CTNND2: variants seen among roughly 807,000 people sequenced by gnomAD.
CTNND2 encodes catenin delta 2, also known as catenin delta-2.
A neutral mutation model predicts 144.4 loss-of-function variants in CTNND2; 22 were observed. The ratio of observed to expected loss-of-function variants is 0.15; its 90% CI spans 0.11 to 0.22. The LOEUF is 0.22. CTNND2 is among the 10% of genes least tolerant of loss of function. The pLI is 1.00. For synonymous variants in CTNND2, 751 were observed against 695.6 expected (o/e 1.08, Z -1.25); for missense variants, 1,353 against 1,618.8 (o/e 0.84, Z 2.82).
At chr5:11,303,326 A>G (rs1749807919) in intron 9 of CTNND2, among the ~76,000 whole-genome samples, 1 of 152,212 alleles carries the variant, frequency 6.6e-6, no homozygotes, top group African/African-American at 2.4e-5. Flanking sequence ...GGAACTCACA[A>G]GGGGCAGCCT....
chr5:11,079,919 A>C (rs531066159), intron 16 of CTNND2, among the ~76,000 whole-genome samples: 2 of 152,354 alleles, frequency 1.3e-5, no homozygotes, highest in African/African-American at 4.8e-5. Context: ...TCTGGGCAAT[A>C]ATGTTTTTGG....
intron 1 of CTNND2, among the ~76,000 whole-genome samples, chr5:11,786,259 A>G (rs1410244046): frequency 1.3e-5 from 2 of 152,214 alleles, no homozygotes; most frequent in African/African-American, 4.8e-5. Flanking sequence ...TCCATTTTAG[A>G]AAAGTAAAGT....
intron 1 of CTNND2, among the ~76,000 whole-genome samples, chr5:11,773,692 C>G (rs1045331586): frequency 6.6e-6 from 1 of 151,832 alleles, no homozygotes; most frequent in Non-Finnish European, 1.5e-5. Context: ...TGCCTGTAAT[C>G]CCAGCTACTT....
intron 10 of CTNND2, among the ~76,000 whole-genome samples, chr5:11,201,327 G>C: frequency 6.6e-6 from 1 of 152,164 alleles, no homozygotes; most frequent in East Asian, 1.9e-4. Context: ...CGTTGGTGTT[G>C]CTCAGCTTTG....
At chr5:11,579,405 T>C (rs576729645) in intron 2 of CTNND2, among the ~76,000 whole-genome samples, 4 of 152,188 alleles carry the variant, frequency 2.6e-5, no homozygotes, top group Admixed American at 2.6e-4. Context: ...ATGTACATTA[T>C]CAAGTTTGCA....
At chr5:11,642,290 C>A (rs1782106935) in intron 2 of CTNND2, among the ~76,000 whole-genome samples, 1 of 152,018 alleles carries the variant, frequency 6.6e-6, no homozygotes, top group Non-Finnish European at 1.5e-5. Flanking sequence ...CAGCAGGAGG[C>A]AGAACATAAA....
intron 10 of CTNND2, among the ~76,000 whole-genome samples, chr5:11,234,171 G>A (rs1031520835): frequency 1.3e-5 from 2 of 151,848 alleles, no homozygotes; most frequent in East Asian, 1.9e-4. Flanking sequence ...GTACACACAC[G>A]CAGAGACAGA....
intron 2 of CTNND2, among the ~76,000 whole-genome samples, chr5:11,644,689 A>G (rs1447970817): frequency 4.0e-5 from 6 of 151,694 alleles, no homozygotes; most frequent in Non-Finnish European, 8.8e-5. Context: ...AAAAAAAAAA[A>G]TGATACCAAG....
At chr5:11,649,855 G>T (rs1489105099) in intron 2 of CTNND2, among the ~76,000 whole-genome samples, 1 of 152,108 alleles carries the variant, frequency 6.6e-6, no homozygotes, top group Admixed American at 6.5e-5. Context: ...TAAGTCTCAC[G>T]ATGACCATAT....
intron 8 of CTNND2, among the ~76,000 whole-genome samples, chr5:11,348,244 G>A (rs1055102211): frequency 3.3e-5 from 5 of 151,950 alleles, no homozygotes; most frequent in Non-Finnish European, 7.4e-5. Context: ...AGGATTTATC[G>A]TTTCTCCAAA....
chr5:11,072,445 C>G (rs552181634), intron 16 of CTNND2, among the ~76,000 whole-genome samples: 2 of 152,322 alleles, frequency 1.3e-5, no homozygotes, highest in South Asian at 4.1e-4. Flanking sequence ...TGCTTAAGTA[C>G]ATTATAATAC....
intron 2 of CTNND2, among the ~76,000 whole-genome samples, chr5:11,648,360 G>C (rs1258845545): frequency 1.3e-5 from 2 of 151,922 alleles, no homozygotes; most frequent in African/African-American, 4.8e-5. Context: ...TCTAGGAATG[G>C]TGATGCAGAC....
chr5:11,727,119 GT>G (rs1443856823), intron 2 of CTNND2, among the ~76,000 whole-genome samples: 1 of 152,086 alleles, frequency 6.6e-6, no homozygotes, highest in Non-Finnish European at 1.5e-5. Context: ...TTGATTTATA[GT>G]TTTATTTATC....
At chr5:11,887,775 G>T (rs1467170491) in intron 1 of CTNND2, among the ~76,000 whole-genome samples, 1 of 152,152 alleles carries the variant, frequency 6.6e-6, no homozygotes, top group South Asian at 2.1e-4. Context: ...GACTCCTCTT[G>T]GTTCTTAGTT....
chr5:11,859,441 A>G (rs144222438), intron 1 of CTNND2, among the ~76,000 whole-genome samples: 2 of 152,364 alleles, frequency 1.3e-5, no homozygotes, highest in African/African-American at 4.8e-5. Context: ...TAATGATTAT[A>G]AAATTATTGT....
chr5:11,262,193 C>T (rs1000626482), intron 9 of CTNND2, among the ~76,000 whole-genome samples: 6 of 152,068 alleles, frequency 3.9e-5, no homozygotes. Context: ...CCAAGCAAAC[C>T]TTTCAAAACA....
At chr5:11,112,268 T>C (rs1753072951) in intron 13 of CTNND2, among the ~76,000 whole-genome samples, 1 of 152,124 alleles carries the variant, frequency 6.6e-6, no homozygotes, top group Non-Finnish European at 1.5e-5. Flanking sequence ...ATTGTTCGGG[T>C]GGGCCTGTGT....
chr5:11,645,205 A>G (rs1561652965), intron 2 of CTNND2, among the ~76,000 whole-genome samples: 1 of 151,954 alleles, frequency 6.6e-6, no homozygotes, highest in Non-Finnish European at 1.5e-5. Flanking sequence ...GCCTCAATCA[A>G]TCCTCCCACC....
chr5:11,046,214 C>T lies in CTNND2; in HGVS notation c.2789-23235G>A, dbSNP rs192092624. Among the ~76,000 whole-genome samples the T allele has an allele frequency of 2.5e-3, 385 of 152,236 alleles. 1 individual carries two copies. Among genetic ancestry groups the T allele is most frequent in the African/African-American group, 9.0e-3 (374 of 41,526 alleles). ...GGTCATACTGGAGTGGGGTGGGCTC[C>T]TAATCCAATATGACAGAGATCCTTA... On this transcript the variant is annotated intron_variant, in intron 16 of 21. Coordinates refer to ENST00000304623, the MANE Select transcript of CTNND2 (RefSeq NM_001332.4).
Sources: allele counts gnomAD v4.1 joint callset (sites outside exome capture counted in the v4.1 genomes callset), GRCh38; gene constraint gnomAD v4.1.1; transcripts MANE v1.5; gene names NCBI Gene and HGNC (gene_info 2026-07-23, HGNC 2026-07-21).